Variants in CAMSAP1 observed in about 807,000 individuals in gnomAD.
CAMSAP1 encodes calmodulin regulated spectrin associated protein 1.
CAMSAP1 carries 58 observed loss-of-function variants against 143.5 expected under a neutral mutation model. The ratio of observed to expected loss-of-function variants is 0.40; its 90% confidence interval spans 0.33 to 0.50. The LOEUF (loss-of-function observed/expected upper bound fraction) is 0.50, where lower values mean the gene tolerates loss of function less well. Ranked by LOEUF, CAMSAP1 falls within the 20% of genes least tolerant of loss-of-function variation. The probability of loss-of-function intolerance (pLI) is 0.45; values close to 1 mark genes in which losing one functional copy is unlikely to be tolerated. For synonymous variants in CAMSAP1, 945 were observed against 859.3 expected (o/e 1.10, Z -1.74); for missense variants, 1,969 against 2,115.7 (o/e 0.93, Z 1.36).
chr9:135,882,682 C>T lies in CAMSAP1; in HGVS notation c.423+134G>A, dbSNP rs1837997942. 1.0e-6 allele frequency: 1 copy of T among 1,000,564 alleles called. No individual in the cohort carries two copies. Among genetic ancestry groups the T allele is most frequent in the African/African-American group, 1.6e-5 (1 of 61,318 alleles). 62.0% of individuals were successfully genotyped at this position (1,000,564 alleles called of 1,614,324 possible). On this transcript the variant is annotated intron_variant, in intron 2 of 16. Coordinates refer to ENST00000389532, the MANE Select transcript of CAMSAP1 (RefSeq NM_015447.4). The surrounding 1 kb of genome is among the most constrained non-coding windows in gnomAD (Gnocchi z 4.9). ...AAGATATGCAGTTTCCTAAGGAACG[C>T]CAGTGTGCAAAAGCACGGGTCTCCA...
intron 1 of CAMSAP1, among the ~76,000 whole-genome samples, chr9:135,904,402 C>CAAAA (rs34983397): frequency 2.4e-5 from 2 of 84,002 alleles, no homozygotes; most frequent in South Asian, 4.1e-4. Context: ...CTGTCCTCCA[C>CAAAA]AAAAAAAAAA....
intron 5 of CAMSAP1, among the ~76,000 whole-genome samples, chr9:135,854,791 G>A (rs1221332584): frequency 6.6e-6 from 1 of 152,114 alleles, no homozygotes; most frequent in Non-Finnish European, 1.5e-5. Flanking sequence ...TTTAGGTTTG[G>A]GAGGGTACAC....
chr9:135,817,983 G>A lies in CAMSAP1; in HGVS notation c.4265C>T (p.Ser1422Phe). Residue 1422 changes from serine (S) to phenylalanine (F), a missense_variant, in exon 14 of 17, where the codon TCT becomes TTT. Physicochemically the swap from Ser to Phe is radical, Grantham distance 155 (BLOSUM62 -2). This residue lies in a region of CAMSAP1 where 1,390 missense variants were observed against 1,420.8 expected (regional missense o/e 0.98). Coordinates refer to ENST00000389532, the MANE Select transcript of CAMSAP1 (RefSeq NM_015447.4). The stretch of plus-strand genomic sequence containing the variant: ...GCCGTCTCAGGCCCCTTACCGCTGA[G>A]AGGGTGTGCCCCCGGAATGAACGCT... ...PESVHSGGTP[S>F]QRVESMEALP... 6.2e-7 allele frequency: 1 copy of A among 1,613,866 alleles called. No homozygotes were observed. The highest frequency in any genetic ancestry group is 8.5e-7 in the Non-Finnish European group (1 of 1,179,868).
chr9:135,818,706 G>A lies in CAMSAP1; in HGVS notation c.3960-90C>T. ...GGCGCTCTGTCCAGGCGCGTTTCTC[G>A]GGTTCTCCCCGGCCGCTGGGACCAA... is the stretch of plus-strand genomic sequence containing the variant. On this transcript the variant is annotated intron_variant, in intron 12 of 16. Transcript: ENST00000389532. The surrounding 1 kb of genome is among the most constrained non-coding windows in gnomAD (Gnocchi z 7.7). 3 of 1,435,680 alleles carry A rather than the reference G, an allele frequency of 2.1e-6. No individual in the cohort carries two copies. Among genetic ancestry groups the A allele is most frequent in the Non-Finnish European group, 9.3e-7 (1 of 1,070,492 alleles). 88.9% of individuals were successfully genotyped at this position (1,435,680 alleles called of 1,614,324 possible).
rs398012568 is a variant in CAMSAP1, at chr9:135,874,490, GC to G, written c.585+7142del. 6.8e-3 allele frequency among the ~76,000 whole-genome samples: 810 copies of G among 119,252 alleles called. 21 individuals are homozygous for G. The highest frequency in any genetic ancestry group is 0.023 in the African/African-American group (764 of 32,670). The allele number at this position is 119,252 out of a possible 152,430, so 78.2% of individuals were successfully genotyped here. A position where few individuals can be genotyped will look rare whatever the true frequency, so the allele number is the denominator to read the frequency against. ...CCTGTCTCAAAAAAGGGGGGGGGGG[GC>G]CACAGGGGCCGGGAACTCCTAATAA... On this transcript the variant is annotated intron_variant, in intron 3 of 16. Transcript: ENST00000389532.
At chr9:135,868,730 C>T (rs533483807) in intron 3 of CAMSAP1, among the ~76,000 whole-genome samples, 1 of 150,186 alleles carries the variant, frequency 6.7e-6, no homozygotes, top group South Asian at 2.1e-4. Context: ...CATTCTCCTG[C>T]GTCAGCCTCC....
chr9:135,889,541 GC>G (rs1174036265), intron 1 of CAMSAP1, among the ~76,000 whole-genome samples: 1 of 152,228 alleles, frequency 6.6e-6, no homozygotes, highest in Non-Finnish European at 1.5e-5. Flanking sequence ...GCAAAGAGAA[GC>G]CCCAGTGTGG....
In CAMSAP1 at chr9:135,899,184, C is replaced by T. The variant is rs774315854; in HGVS notation, c.160+7816G>A. On this transcript the variant is annotated intron_variant, in intron 1 of 16. Transcript: ENST00000389532. Reference sequence around the variant, plus strand: ...GGAAACTCGGGAAGTAATGAGAATGCTGTCTTGATTGTGGTTGTGGTCACA... The same window carrying T: ...GGAAACTCGGGAAGTAATGAGAATGTTGTCTTGATTGTGGTTGTGGTCACA... Among the ~76,000 whole-genome samples the T allele has an allele frequency of 3.4e-5, 5 of 145,374 alleles. No homozygotes were observed. In the South Asian group the frequency reaches 6.2e-4, roughly 18 times the overall value.
At chr9:135,845,937 C>T (rs903033734) in intron 7 of CAMSAP1, among the ~76,000 whole-genome samples, 13 of 152,092 alleles carry the variant, frequency 8.5e-5, no homozygotes, top group Non-Finnish European at 1.6e-4. Flanking sequence ...AATGGCCATA[C>T]TTCCCAAAGT....
At position 135,817,980 on chromosome 9, in the gene CAMSAP1, T is replaced by A; in HGVS notation, c.4268A>T (p.Gln1423Leu). 4 of 1,613,788 alleles carry A rather than the reference T, an allele frequency of 2.5e-6. No homozygotes were observed. The highest frequency in any genetic ancestry group is 3.4e-6 in the Non-Finnish European group (4 of 1,179,842). ...ESVHSGGTPS[Q>L]RVESMEALPI... Reference sequence around the variant, plus strand: ...GCGGCCGTCTCAGGCCCCTTACCGCTGAGAGGGTGTGCCCCCGGAATGAAC... The same window carrying A: ...GCGGCCGTCTCAGGCCCCTTACCGCAGAGAGGGTGTGCCCCCGGAATGAAC... Residue 1423 changes from glutamine (Q) to leucine (L), a missense_variant, in exon 14 of 17, where the codon CAG becomes CTG. This residue lies in a region of CAMSAP1 where 1,390 missense variants were observed against 1,420.8 expected (regional missense o/e 0.98). Coordinates refer to ENST00000389532, the MANE Select transcript of CAMSAP1 (RefSeq NM_015447.4).
intron 5 of CAMSAP1, among the ~76,000 whole-genome samples, chr9:135,860,571 C>T (rs1267004839): frequency 7.1e-6 from 1 of 141,318 alleles, no homozygotes; most frequent in Admixed American, 7.6e-5. Context: ...GCATTCCAGC[C>T]TGGGTGACAG....
intron 3 of CAMSAP1, among the ~76,000 whole-genome samples, chr9:135,876,438 A>T (rs1795461849): frequency 6.6e-6 from 1 of 152,222 alleles, no homozygotes; most frequent in African/African-American, 2.4e-5. Context: ...AGCACCTCAT[A>T]AAAGAATGTA....
intron 7 of CAMSAP1, among the ~76,000 whole-genome samples, chr9:135,846,616 T>G (rs1278501592): frequency 6.6e-6 from 1 of 151,268 alleles, no homozygotes; most frequent in South Asian, 2.1e-4. Flanking sequence ...AAGAAAATTT[T>G]TGCAATCTAT....
chr9:135,886,751 A>C (rs182014398), intron 1 of CAMSAP1, among the ~76,000 whole-genome samples: 1 of 152,230 alleles, frequency 6.6e-6, no homozygotes, highest in Non-Finnish European at 1.5e-5. Flanking sequence ...GCGTGGACCC[A>C]GGAGGCTGCT....
chr9:135,867,475 C>G (rs893756983), intron 3 of CAMSAP1, among the ~76,000 whole-genome samples: 7 of 145,262 alleles, frequency 4.8e-5, no homozygotes, highest in Admixed American at 4.1e-4. Flanking sequence ...CAAGACCCCC[C>G]TCTTTTTTTT....
At chr9:135,812,501 C>T (rs907530708) in intron 16 of CAMSAP1, among the ~76,000 whole-genome samples, 1 of 151,988 alleles carries the variant, frequency 6.6e-6, no homozygotes, top group Non-Finnish European at 1.5e-5. Context: ...AGAGCTTGGG[C>T]GCGGGAAGAC....
At chr9:135,844,045 C>G (rs185134167) in intron 7 of CAMSAP1, among the ~76,000 whole-genome samples, 5 of 151,922 alleles carry the variant, frequency 3.3e-5, no homozygotes, top group African/African-American at 4.8e-5. Flanking sequence ...TTAGACAGAT[C>G]GGGACAGAAA....
chr9:135,818,277 A>G lies in CAMSAP1; in HGVS notation c.4168+131T>C. The G allele has an allele frequency of 8.8e-7, 1 of 1,136,124 alleles. No homozygotes were observed. Among genetic ancestry groups the G allele is most frequent in the Admixed American group, 2.4e-5 (1 of 42,428 alleles). 70.4% of individuals were successfully genotyped at this position (1,136,124 alleles called of 1,614,324 possible). A position where few individuals can be genotyped will look rare whatever the true frequency, so the allele number is the denominator to read the frequency against. On this transcript the variant is annotated intron_variant, in intron 13 of 16. Transcript: ENST00000389532. This position sits in a 1 kb window ranked among gnomAD's most constrained non-coding sequence, Gnocchi z 7.7. ...TCTGGTCTCAACATTGTCATCCATG[A>G]AACGGGGATAATCATCTCCACCCTT...
In CAMSAP1 at chr9:135,821,641, A is replaced by G; in HGVS notation, c.3020T>C (p.Leu1007Pro). 6.2e-7 allele frequency: 1 copy of G among 1,614,008 alleles called. No individual in the cohort carries two copies. Among genetic ancestry groups the G allele is most frequent in the Non-Finnish European group, 8.5e-7 (1 of 1,179,882 alleles). Residue 1007 changes from leucine (L) to proline (P), a missense_variant, in exon 11 of 17, where the codon CTG becomes CCG. Physicochemically the swap from Leu to Pro is moderately conservative, Grantham distance 98 (BLOSUM62 -3). Transcript: ENST00000389532. This position sits in a 1 kb window ranked among gnomAD's most constrained non-coding sequence, Gnocchi z 4.6. Reference protein sequence around the residue: ...ERNKVISAALLEDTVGEVVDV... With the variant: ...ERNKVISAALPEDTVGEVVDV... ...GACAACCTCCCCAACAGTGTCCTCC[A>G]GGAGGGCAGCGGAGATCACCTTATT...
Sources: allele counts gnomAD v4.1 joint callset (sites outside exome capture counted in the v4.1 genomes callset), GRCh38; gene constraint gnomAD v4.1.1; regional missense constraint gnomAD v4.1.1; non-coding constraint Gnocchi (gnomAD v3.1); transcripts MANE v1.5; gene names NCBI Gene and HGNC (gene_info 2026-07-23, HGNC 2026-07-21).